The following PTH2R variants were observed in gnomAD, a reference collection of about 807,000 sequenced individuals.
PTH2R encodes the protein PTH2 receptor.
Under a neutral mutation model 60.3 loss-of-function variants are expected in PTH2R, and 59 were observed. The observed-to-expected ratio is 0.98, with a 90% CI of 0.79 to 1.22. The LOEUF (loss-of-function observed/expected upper bound fraction) is 1.22. Among genes scored for constraint, PTH2R ranks in the 50% most tolerant of loss-of-function variants. The pLI is 0.00. For missense variants in PTH2R, 749 were observed against 682.6 expected, an observed-to-expected ratio of 1.10 and a Z score of -1.08; for synonymous variants, 256 against 243.8, an observed-to-expected ratio of 1.05 and a Z score of -0.47.
chr2:208,462,244 A>G (rs1004128814), intron 9 of PTH2R, among the ~76,000 whole-genome samples: 1 of 152,218 alleles, frequency 6.6e-6, no homozygotes, highest in Non-Finnish European at 1.5e-5. Context: ...AATTTAGAGA[A>G]GGCTGAGTTA....
At chr2:208,423,967 A>G (rs1701806178) in intron 1 of PTH2R, among the ~76,000 whole-genome samples, 1 of 152,186 alleles carries the variant, frequency 6.6e-6, no homozygotes, top group Non-Finnish European at 1.5e-5. Flanking sequence ...TCCGTCAGCT[A>G]TCACTGACAC....
intron 4 of PTH2R, among the ~76,000 whole-genome samples, chr2:208,441,686 G>A (rs1383171841): frequency 2.6e-5 from 4 of 152,190 alleles, no homozygotes; most frequent in African/African-American, 9.6e-5. Flanking sequence ...AGGTGTCACC[G>A]TAAGGGACAG....
In PTH2R at chr2:208,440,559, G is replaced by A. The variant is rs1388862359; in HGVS notation, c.412-1805G>A. Among the ~76,000 whole-genome samples the A allele has an allele frequency of 2.0e-5, 3 of 152,174 alleles. No individual in the cohort carries two copies. The East Asian group carries it at 5.8e-4, about 29-fold the overall frequency. The stretch of plus-strand genomic sequence containing the variant: ...TAATTTGTAAACATGAGTTGAGGAT[G>A]CCAAGAAATCTAAATGAACTAAATT... On this transcript the variant is annotated intron_variant, in intron 4 of 12. Transcript: ENST00000272847.
chr2:208,377,416 C>T (rs1285463896), intron 1 of PTH2R, among the ~76,000 whole-genome samples: 1 of 151,808 alleles, frequency 6.6e-6, no homozygotes, highest in East Asian at 2.0e-4. Flanking sequence ...GGTGGCCGGG[C>T]AGAGGGGCTC....
chr2:208,445,556 C>T (rs1702271913), intron 7 of PTH2R, among the ~76,000 whole-genome samples: 1 of 152,114 alleles, frequency 6.6e-6, no homozygotes, highest in South Asian at 2.1e-4. Context: ...AATTAAAACT[C>T]ATATGTGGTG....
At chr2:208,471,983 C>T (rs1210967934) in intron 9 of PTH2R, among the ~76,000 whole-genome samples, 1 of 152,216 alleles carries the variant, frequency 6.6e-6, no homozygotes, top group Non-Finnish European at 1.5e-5. Context: ...TTGATTACTT[C>T]AGTAGATTTC....
intron 1 of PTH2R, among the ~76,000 whole-genome samples, chr2:208,418,087 G>T (rs927573636): frequency 6.6e-6 from 1 of 151,872 alleles, no homozygotes; most frequent in Non-Finnish European, 1.5e-5. Flanking sequence ...AAGTAAAATA[G>T]CTTCCTTATG....
intron 1 of PTH2R, among the ~76,000 whole-genome samples, chr2:208,418,698 T>G (rs1169871033): frequency 6.6e-6 from 1 of 152,154 alleles, no homozygotes; most frequent in Non-Finnish European, 1.5e-5. Flanking sequence ...CTGGTTTATC[T>G]TTGAGTTTTG....
At position 208,437,381 on chromosome 2, in the gene PTH2R, T is replaced by A. The variant is rs147196038; in HGVS notation, c.179-156T>A. Among the ~76,000 whole-genome samples, 932 of 152,352 alleles carry A rather than the reference T, an allele frequency of 6.1e-3. 9 individuals carry two copies. Among genetic ancestry groups the A allele is most frequent in the African/African-American group, 0.021 (870 of 41,588 alleles). ...GCACACAGATGAATTTTGGGACATTTGCATCATATCTATTCTATCTAGTTT... is the reference window on the plus strand; with the variant it reads ...GCACACAGATGAATTTTGGGACATTAGCATCATATCTATTCTATCTAGTTT... On this transcript the variant is annotated intron_variant, in intron 2 of 12. Transcript: ENST00000272847.
intron 8 of PTH2R, among the ~76,000 whole-genome samples, chr2:208,458,662 A>G (rs1181776775): frequency 3.9e-5 from 6 of 152,010 alleles, no homozygotes; most frequent in Admixed American, 3.9e-4. Context: ...ACAAATTCTT[A>G]TCATTTAGCT....
chr2:208,466,687 C>T (rs1012502281), intron 9 of PTH2R: 2 of 152,134 alleles, frequency 1.3e-5, no homozygotes, highest in Non-Finnish European at 2.9e-5. Flanking sequence ...CTATTCAGCT[C>T]CTTTGCCCAT....
In PTH2R at chr2:208,493,554, T is replaced by C. The variant is rs771792012; in HGVS notation, c.1548T>C (p.Asp516=). The C allele has an allele frequency of 2.5e-6, 4 of 1,613,750 alleles. No homozygotes were observed. Among genetic ancestry groups the C allele is most frequent in the Admixed American group, 1.7e-5 (1 of 59,992 alleles). The change falls in exon 13 of 13, where the codon GAT becomes GAC. Residue 516 remains aspartate (D), a synonymous_variant. Transcript: ENST00000272847. ...PHSFHEETKE[D]SGRQGDDILM... ...CTTTCCACGAGGAGACCAAGGAAGA[T>C]AGTGGGAGGCAGGGAGATGATATTC...
At chr2:208,373,965 T>C (rs532515843) in intron 1 of PTH2R, among the ~76,000 whole-genome samples, 6 of 152,224 alleles carry the variant, frequency 3.9e-5, no homozygotes, top group Non-Finnish European at 7.4e-5. Flanking sequence ...CTTCATATGC[T>C]TTATGTATTT....
chr2:208,480,368 A>G (rs185269872), intron 9 of PTH2R, among the ~76,000 whole-genome samples: 53 of 152,184 alleles, frequency 3.5e-4, no homozygotes, highest in Non-Finnish European at 5.1e-4. Flanking sequence ...TCAGGCCTCC[A>G]TCCCCTTATG....
At chr2:208,474,577 T>C (rs1049826203) in intron 9 of PTH2R, among the ~76,000 whole-genome samples, 1 of 152,212 alleles carries the variant, frequency 6.6e-6, no homozygotes, top group Non-Finnish European at 1.5e-5. Flanking sequence ...AGTGGGCATG[T>C]TATGTTTTCT....
chr2:208,411,781 T>C (rs558293597), intron 1 of PTH2R, among the ~76,000 whole-genome samples: 5 of 152,196 alleles, frequency 3.3e-5, no homozygotes, highest in African/African-American at 7.2e-5. Flanking sequence ...CTTGGTTGTC[T>C]CCACTGGCTC....
At chr2:208,449,732 A>G (rs1702364887) in intron 7 of PTH2R, among the ~76,000 whole-genome samples, 1 of 152,160 alleles carries the variant, frequency 6.6e-6, no homozygotes, top group African/African-American at 2.4e-5. Context: ...TCTTTTTCTA[A>G]GCCTATTTCT....
At chr2:208,401,200 T>C (rs1209872479) in intron 1 of PTH2R, among the ~76,000 whole-genome samples, 1 of 152,216 alleles carries the variant, frequency 6.6e-6, no homozygotes, top group East Asian at 1.9e-4. Context: ...TCCATCTGTA[T>C]GGGAACTATT....
At chr2:208,388,022 C>A (rs1444045475) in intron 1 of PTH2R, among the ~76,000 whole-genome samples, 1 of 151,928 alleles carries the variant, frequency 6.6e-6, no homozygotes, top group Admixed American at 6.6e-5. Flanking sequence ...TAAAACTTCA[C>A]ACTTCAGCCG....
Sources: gnomAD v4.1 joint callset for allele counts (sites outside exome capture counted in the v4.1 genomes callset) on GRCh38, gnomAD v4.1.1 for gene constraint, MANE v1.5 for transcripts, NCBI Gene and HGNC (gene_info 2026-07-23, HGNC 2026-07-21) for gene names.